Variants in UBA2 observed in about 807,000 individuals in gnomAD.
The protein encoded by UBA2 is ubiquitin like modifier activating enzyme 2, also known as SUMO-activating enzyme subunit 2.
Under a neutral mutation model 77.2 loss-of-function variants are expected in UBA2, and 11 were observed. The observed-to-expected ratio is 0.14, with a 90% confidence interval of 0.09 to 0.24. The LOEUF (loss-of-function observed/expected upper bound fraction) is 0.24, where lower values mean the gene tolerates loss of function less well. Among genes scored for constraint, UBA2 ranks in the 10% least tolerant of loss-of-function variants. The pLI is 1.00. For synonymous variants in UBA2, 278 were observed against 276.7 expected (o/e 1.00, Z -0.05); for missense variants, 487 against 781.7 (o/e 0.62, Z 4.50).
Position 34,450,374 on chromosome 19 carries a change from A to G in UBA2, c.871+10A>G. On this transcript the variant is annotated intron_variant, in intron 9 of 16. Coordinates refer to ENST00000246548, the MANE Select transcript of UBA2 (RefSeq NM_005499.3). ...GAAGTACAAAGTCAAGGTAAAGAAT[A>G]CATTTTAGTCTTGGAACACCTAAGC... 1 of 1,579,450 alleles carries G rather than the reference A, an allele frequency of 6.3e-7. No individual in the cohort carries two copies. Among genetic ancestry groups the G allele is most frequent in the South Asian group, 1.2e-5 (1 of 86,040 alleles).
At chr19:34,468,226 ATAT>A (rs542624273) in intron 16 of UBA2, among the ~76,000 whole-genome samples, 400 of 152,226 alleles carry the variant, frequency 2.6e-3, no homozygotes, top group African/African-American at 9.2e-3. Flanking sequence ...ATTCTTTGGA[ATAT>A]GTTTACTCTT....
chr19:34,440,246 C>G (rs2075353974), intron 6 of UBA2, among the ~76,000 whole-genome samples: 1 of 150,416 alleles, frequency 6.6e-6, no homozygotes, highest in Non-Finnish European at 1.5e-5. Context: ...ATCACTTGAA[C>G]CCAGTGGGTG....
Position 34,469,104 on chromosome 19 carries a change from C to T in UBA2, c.1806C>T (p.Asp602=), listed in dbSNP as rs746271199. 4.3e-6 allele frequency: 7 copies of T among 1,613,180 alleles called. No homozygotes were observed. The highest frequency in any genetic ancestry group is 2.2e-5 in the East Asian group (1 of 44,836). Residue 602 remains aspartate (D), a synonymous_variant, in exon 17 of 17, where the codon GAC becomes GAT. Coordinates refer to ENST00000246548, the MANE Select transcript of UBA2 (RefSeq NM_005499.3). The stretch of plus-strand genomic sequence containing the variant: ...AAGAAGATTCTTCAAATAATGCCGA[C>T]GTCAGTGAAGAAGAGAGAAGCCGCA... The part of the protein sequence containing the change: ...SDEEDSSNNA[D]VSEEERSRKR...
chr19:34,441,449 C>G (rs796851360), intron 6 of UBA2, among the ~76,000 whole-genome samples: 1 of 149,878 alleles, frequency 6.7e-6, no homozygotes, highest in Non-Finnish European at 1.5e-5. Context: ...AGCGATACTC[C>G]GTCTCAAAAA....
chr19:34,429,270 A>G (rs553106717), intron 1 of UBA2: 40 of 984,576 alleles, frequency 4.1e-5, no homozygotes, highest in South Asian at 4.7e-5. Flanking sequence ...TGCCTTTTGC[A>G]TTGGTGTACG....
chr19:34,458,885 G>T lies in UBA2; in HGVS notation c.1362G>T (p.Leu454=). The part of the protein sequence containing the change: ...CASKPEVTVR[L]NVHKVTVLTL... The stretch of plus-strand genomic sequence containing the variant: ...GCAAGCCAGAGGTGACTGTGCGGCT[G>T]AATGTCCATAAAGTGACTGTTCTCA... Residue 454 remains leucine (L), a synonymous_variant, in exon 13 of 17, where the codon CTG becomes CTT. Coordinates refer to ENST00000246548, the MANE Select transcript of UBA2 (RefSeq NM_005499.3). 6.2e-7 allele frequency: 1 copy of T among 1,614,088 alleles called. No individual in the cohort carries two copies. The highest frequency in any genetic ancestry group is 8.5e-7 in the Non-Finnish European group (1 of 1,180,004).
At chr19:34,465,155 T>C (rs1002055886) in intron 15 of UBA2, among the ~76,000 whole-genome samples, 1 of 152,226 alleles carries the variant, frequency 6.6e-6, no homozygotes, top group Non-Finnish European at 1.5e-5. Flanking sequence ...TTCATGCTCA[T>C]TGACATGGTG....
chr19:34,467,215 C>T (rs950548255), intron 16 of UBA2: 2 of 582,980 alleles, frequency 3.4e-6, no homozygotes, highest in African/African-American at 1.9e-5. Context: ...CACCTGTAAT[C>T]CCAGCACTTT....
chr19:34,457,179 A>AAAAAAATATAT (rs1262007864), intron 12 of UBA2, among the ~76,000 whole-genome samples: 1 of 53,220 alleles, frequency 1.9e-5, no homozygotes, highest in Non-Finnish European at 3.0e-5. Flanking sequence ...AAAAAAAAAA[A>AAAAAAATATAT]ATATATATAT....
rs1281399628 is a variant in UBA2, at chr19:34,438,719, A to G, written c.534A>G (p.Thr178=). Residue 178 remains threonine, a synonymous_variant, in exon 6 of 17, where the codon ACA becomes ACG. Coordinates refer to ENST00000246548, the MANE Select transcript of UBA2 (RefSeq NM_005499.3). ...TTCCTGGCTGTACAATTCGTAACAC[A>G]CCTTCAGAACCTATACATTGCATCG... ...RTFPGCTIRN[T]PSEPIHCIVW... 6.2e-7 allele frequency: 1 copy of G among 1,614,054 alleles called. No individual in the cohort carries two copies. The highest frequency in any genetic ancestry group is 8.5e-7 in the Non-Finnish European group (1 of 1,180,048).
intron 13 of UBA2, 53 bp from the exon 14 acceptor site, chr19:34,460,417 T>G: frequency 2.5e-6 from 3 of 1,187,224 alleles, no homozygotes; most frequent in South Asian, 2.9e-5. Flanking sequence ...GGATTTCTTA[T>G]GATCTTTAAT....
intron 2 of UBA2, among the ~76,000 whole-genome samples, chr19:34,431,597 T>A (rs1419269771): frequency 6.6e-6 from 1 of 152,196 alleles, no homozygotes; most frequent in Non-Finnish European, 1.5e-5. Context: ...CATGTTGTAT[T>A]TTTGCTGAAG....
chr19:34,466,017 T>G (rs2075683604), intron 15 of UBA2, among the ~76,000 whole-genome samples: 2 of 152,048 alleles, frequency 1.3e-5, no homozygotes, highest in Middle Eastern at 3.2e-3. Flanking sequence ...GTTCTGCCCA[T>G]AAGACACCAC....
At position 34,452,112 on chromosome 19, in the gene UBA2, G is replaced by GAAA; in HGVS notation, c.1005_1007dup (p.Lys336dup). ...CGAGACTTTGAGAGTTCATTTAGCA[G>GAAA]AAAAGGGGGATGGAGCTGAGCTCAT... On this transcript the variant is annotated inframe_insertion, in exon 10 of 17. Coordinates refer to ENST00000246548, the MANE Select transcript of UBA2 (RefSeq NM_005499.3). The GAAA allele has an allele frequency of 6.2e-7, 1 of 1,609,290 alleles. No homozygotes were observed. Among genetic ancestry groups the GAAA allele is most frequent in the Non-Finnish European group, 8.5e-7 (1 of 1,176,678 alleles).
chr19:34,447,199 G>C (rs956746235), intron 8 of UBA2, among the ~76,000 whole-genome samples: 3 of 152,146 alleles, frequency 2.0e-5, no homozygotes, highest in Non-Finnish European at 2.9e-5. Flanking sequence ...GGCTAGGCCA[G>C]TCTAGTCTTT....
chr19:34,448,160 T>C (rs1193553284), intron 8 of UBA2, among the ~76,000 whole-genome samples: 2 of 152,146 alleles, frequency 1.3e-5, no homozygotes, highest in Non-Finnish European at 2.9e-5. Flanking sequence ...GATATTCATA[T>C]TATAACCAAT....
intron 14 of UBA2, among the ~76,000 whole-genome samples, chr19:34,461,509 A>G (rs1215851324): frequency 2.0e-5 from 3 of 152,174 alleles, no homozygotes; most frequent in Non-Finnish European, 2.9e-5. Flanking sequence ...CTGACTTTTA[A>G]AAAAATGTTT....
Position 34,464,880 on chromosome 19 carries a change from C to T in UBA2, c.1604+749C>T, listed in dbSNP as rs186025703. ...ATCCCAGCATTTTGGGAGGTCGAGG[C>T]GGGTGGATCACCTGAGATCAGGAGT... is the stretch of plus-strand genomic sequence containing the variant. On this transcript the variant is annotated intron_variant, in intron 15 of 16. Transcript: ENST00000246548. Among the ~76,000 whole-genome samples the T allele has an allele frequency of 5.6e-4, 85 of 152,090 alleles. 1 individual carries two copies. The East Asian group carries it at 0.011, about 21-fold the overall frequency.
chr19:34,452,087 C>A lies in UBA2; in HGVS notation c.978C>A (p.Ile326=). ...KSYARLFSKS[I]ETLRVHLAEK... The stretch of plus-strand genomic sequence containing the variant: ...ATGCACGTCTTTTTTCAAAGAGCAT[C>A]GAGACTTTGAGAGTTCATTTAGCAG... Residue 326 remains isoleucine (I), a synonymous_variant, in exon 10 of 17, where the codon ATC becomes ATA. Transcript: ENST00000246548. 1.2e-6 allele frequency: 2 copies of A among 1,609,834 alleles called. No homozygotes were observed. Among genetic ancestry groups the A allele is most frequent in the South Asian group, 2.2e-5 (2 of 90,628 alleles).
Sources: allele counts gnomAD v4.1 joint callset (sites outside exome capture counted in the v4.1 genomes callset), GRCh38; gene constraint gnomAD v4.1.1; transcripts MANE v1.5; gene names NCBI Gene and HGNC (gene_info 2026-07-23, HGNC 2026-07-21).